Variants in LHPP observed in about 807,000 individuals in gnomAD.
The protein encoded by LHPP is phospholysine phosphohistidine inorganic pyrophosphate phosphatase.
Under a neutral mutation model 30.3 loss-of-function variants are expected in LHPP, and 24 were observed. The observed-to-expected ratio is 0.79, with a 90% confidence interval of 0.57 to 1.11. The LOEUF is 1.11. Ranked by LOEUF, LHPP falls within the 50% of genes most tolerant of loss-of-function variation. The probability of loss-of-function intolerance (pLI) is 0.00; values close to 1 mark genes in which losing one functional copy is unlikely to be tolerated. For synonymous variants in LHPP, 150 were observed against 157.1 expected (o/e 0.95, Z 0.34); for missense variants, 356 against 367.2 (o/e 0.97, Z 0.25).
chr10:124,581,560 C>T (rs1948742170), intron 6 of LHPP, among the ~76,000 whole-genome samples: 1 of 152,154 alleles, frequency 6.6e-6, no homozygotes, highest in South Asian at 2.1e-4. Context: ...TATGTCCTTA[C>T]CAACGCTTCT....
In LHPP at chr10:124,528,555, C is replaced by T. The variant is rs533800031; in HGVS notation, c.716+11284C>T. 6.6e-5 allele frequency among the ~76,000 whole-genome samples: 10 copies of T among 152,198 alleles called. No individual in the cohort carries two copies. The East Asian group carries it at 1.6e-3, about 24-fold the overall frequency. The stretch of plus-strand genomic sequence containing the variant: ...TGTATTTCCACTAGAGACGGGGTTT[C>T]GCCATGTTGGCCAGGCTGGTCTTGA... On this transcript the variant is annotated intron_variant, in intron 6 of 6. Coordinates refer to ENST00000368842, the MANE Select transcript of LHPP (RefSeq NM_022126.4).
chr10:124,463,130 A>C lies in LHPP; in HGVS notation c.125+1143A>C, dbSNP rs562645242. ...GTGATCCACCTGCCTCGGCCTCCCA[A>C]AGTGCTGGGATTATAGGCGTGAGCC... On this transcript the variant is annotated intron_variant, in intron 1 of 6. Coordinates refer to ENST00000368842, the MANE Select transcript of LHPP (RefSeq NM_022126.4). 6.3e-4 allele frequency among the ~76,000 whole-genome samples: 96 copies of C among 152,300 alleles called. 1 individual carries two copies. Among genetic ancestry groups the C allele is most frequent in the Admixed American group, 1.4e-3 (22 of 15,298 alleles).
chr10:124,610,054 G>A (rs1480178401), intron 6 of LHPP, among the ~76,000 whole-genome samples: 1 of 152,228 alleles, frequency 6.6e-6, no homozygotes, highest in African/African-American at 2.4e-5. Flanking sequence ...ATATCAACAC[G>A]CAGTTTTCCA....
At chr10:124,549,232 T>C (rs894159526) in intron 6 of LHPP, among the ~76,000 whole-genome samples, 3 of 152,170 alleles carry the variant, frequency 2.0e-5, no homozygotes. Context: ...AGCACAGGAT[T>C]TGAGACCAGC....
rs1332530069 is a variant in LHPP at position 124,467,210 on chromosome 10, TG to T, written c.125+5230del. Reference sequence around the variant, plus strand: ...AACAGGCTGGCAGTAGGGCAGGAGGTGGGGGGGCTTGGACTGGGTAGAAGGC... The same window carrying T: ...AACAGGCTGGCAGTAGGGCAGGAGGTGGGGGGCTTGGACTGGGTAGAAGGC... On this transcript the variant is annotated intron_variant, in intron 1 of 6. Transcript: ENST00000368842. Among the ~76,000 whole-genome samples, 7 of 149,350 alleles carry T rather than the reference TG, an allele frequency of 4.7e-5. No homozygotes were observed. In the South Asian group the frequency reaches 1.1e-3, roughly 23 times the overall value.
At chr10:124,501,185 A>G (rs1953886699) in intron 5 of LHPP, among the ~76,000 whole-genome samples, 1 of 151,988 alleles carries the variant, frequency 6.6e-6, no homozygotes, top group South Asian at 2.1e-4. Flanking sequence ...CATGTATAGC[A>G]AATGTCTAGA....
chr10:124,559,068 G>T (rs890758976), intron 6 of LHPP, among the ~76,000 whole-genome samples: 1 of 152,106 alleles, frequency 6.6e-6, no homozygotes, highest in African/African-American at 2.4e-5. Context: ...TTCTGCAGAG[G>T]TTACCATGCA....
intron 1 of LHPP, among the ~76,000 whole-genome samples, chr10:124,475,030 C>CTTTTTTT (rs57739169): frequency 4.3e-4 from 42 of 98,660 alleles, no homozygotes; most frequent in South Asian, 1.2e-3. Context: ...CTTCTCATGT[C>CTTTTTTT]TTTTTTTTTT....
At position 124,576,804 on chromosome 10, in the gene LHPP, G is replaced by A. The variant is rs879452764; in HGVS notation, c.717-36460G>A. 7.9e-5 allele frequency among the ~76,000 whole-genome samples: 12 copies of A among 151,888 alleles called. No individual in the cohort carries two copies. The highest frequency in any genetic ancestry group is 2.1e-4 in the South Asian group (1 of 4,816). On this transcript the variant is annotated intron_variant, in intron 6 of 6. Transcript: ENST00000368842. The surrounding 1 kb of genome is among the most constrained non-coding windows in gnomAD (Gnocchi z 4.2). Reference sequence around the variant, plus strand: ...AGTGTTTGTGCAAAGCCCTGCCCTCGTGCACCTGTCCTTCCGTAGCCCACG... The same window carrying A: ...AGTGTTTGTGCAAAGCCCTGCCCTCATGCACCTGTCCTTCCGTAGCCCACG...
At position 124,523,483 on chromosome 10, in the gene LHPP, C is replaced by T. The variant is rs1363462051; in HGVS notation, c.716+6212C>T. ...AGCAGCAGCTTGTCCTGGGTCTTCC[C>T]AGACTTCGCAGTGACGGATTTCAGA... is the stretch of plus-strand genomic sequence containing the variant. On this transcript the variant is annotated intron_variant, in intron 6 of 6. Transcript: ENST00000368842. This position sits in a 1 kb window ranked among gnomAD's most constrained non-coding sequence, Gnocchi z 4.2. 6.6e-6 allele frequency among the ~76,000 whole-genome samples: 1 copy of T among 152,252 alleles called. No homozygotes were observed. Among genetic ancestry groups the T allele is most frequent in the Non-Finnish European group, 1.5e-5 (1 of 68,044 alleles).
intron 6 of LHPP, among the ~76,000 whole-genome samples, chr10:124,557,859 C>T (rs987848776): frequency 6.6e-6 from 1 of 151,980 alleles, no homozygotes; most frequent in South Asian, 2.1e-4. Context: ...AGTGGTGGAG[C>T]GTGTTGCCTG....
At chr10:124,512,857 G>T (rs1049408445) in intron 5 of LHPP, among the ~76,000 whole-genome samples, 2 of 152,032 alleles carry the variant, frequency 1.3e-5, no homozygotes, top group African/African-American at 2.4e-5. Flanking sequence ...CATCGGGCCC[G>T]CCCCCTCTTT....
intron 6 of LHPP, among the ~76,000 whole-genome samples, chr10:124,586,293 G>A (rs751141220): frequency 9.9e-5 from 15 of 152,172 alleles, no homozygotes; most frequent in Non-Finnish European, 2.2e-4. Flanking sequence ...TGGGGAGAAG[G>A]AGGGGTGAAG....
intron 6 of LHPP, among the ~76,000 whole-genome samples, chr10:124,526,752 G>C (rs1250378551): frequency 6.6e-6 from 1 of 152,236 alleles, no homozygotes; most frequent in Non-Finnish European, 1.5e-5. Flanking sequence ...GCCTGGCGGA[G>C]ATGTGACAGG....
chr10:124,529,055 A>G (rs1443545151), intron 6 of LHPP, among the ~76,000 whole-genome samples: 11 of 120,208 alleles, frequency 9.2e-5, no homozygotes, highest in Non-Finnish European at 1.6e-5. Context: ...TTTTTGAGAC[A>G]GAGTCTTGCT....
At chr10:124,482,153 G>A (rs1440192706) in intron 1 of LHPP, among the ~76,000 whole-genome samples, 1 of 152,222 alleles carries the variant, frequency 6.6e-6, no homozygotes, top group Non-Finnish European at 1.5e-5. Flanking sequence ...GATGGAAGTT[G>A]ATTTCAAGCC....
In LHPP at chr10:124,553,694, T is replaced by A. The variant is rs1045543155; in HGVS notation, c.716+36423T>A. Among the ~76,000 whole-genome samples, 24 of 152,122 alleles carry A rather than the reference T, an allele frequency of 1.6e-4. 1 individual carries two copies. Among genetic ancestry groups the A allele is most frequent in the African/African-American group, 5.8e-4 (24 of 41,512 alleles). On this transcript the variant is annotated intron_variant, in intron 6 of 6. Transcript: ENST00000368842. ...CAGGATGGTCTCGATCTCCTGACCTTGTGATCCGCCCGCCTCGGCCTCCCA... is the reference window on the plus strand; with the variant it reads ...CAGGATGGTCTCGATCTCCTGACCTAGTGATCCGCCCGCCTCGGCCTCCCA...
chr10:124,578,573 G>A (rs1013119296), intron 6 of LHPP, among the ~76,000 whole-genome samples: 1 of 152,224 alleles, frequency 6.6e-6, no homozygotes, highest in Non-Finnish European at 1.5e-5. Flanking sequence ...GAGCTCAGAG[G>A]GTGACATCTC....
chr10:124,513,829 C>G (rs1486260755), intron 5 of LHPP, among the ~76,000 whole-genome samples: 1 of 149,912 alleles, frequency 6.7e-6, no homozygotes, highest in Non-Finnish European at 1.5e-5. Context: ...TAAGCAATAA[C>G]ACATGTTAAT....
Sources: gnomAD v4.1 joint callset for allele counts (sites outside exome capture counted in the v4.1 genomes callset) on GRCh38, gnomAD v4.1.1 for gene constraint, Gnocchi (gnomAD v3.1) non-coding constraint, MANE v1.5 for transcripts, NCBI Gene and HGNC (gene_info 2026-07-23, HGNC 2026-07-21) for gene names.